The following MEG3 variants were observed in gnomAD, a reference collection of about 807,000 sequenced individuals.
The protein encoded by MEG3 is Very putative protein from MEG3 locus.
At chr14:100,843,943 G>A (rs1193770008) in intron 2 of MEG3, among the ~76,000 whole-genome samples, 2 of 149,412 alleles carry the variant, frequency 1.3e-5, no homozygotes, top group African/African-American at 2.5e-5. Context: ...ACGTTCAAGC[G>A]ATTCTCCTGT....
chr14:100,839,659 C>A (rs1233923853), intron 2 of MEG3, among the ~76,000 whole-genome samples: 1 of 152,152 alleles, frequency 6.6e-6, no homozygotes, highest in African/African-American at 2.4e-5. Flanking sequence ...TGTTTCAGAG[C>A]CAGGAAAGGT....
chr14:100,851,651 G>A (rs1386587000), intron 3 of MEG3: 1 of 152,540 alleles, frequency 6.6e-6, no homozygotes, highest in East Asian at 1.9e-4. Flanking sequence ...GGTTGCAGAA[G>A]TGGTCCGGGG....
exon 2 of MEG3, chr14:100,860,825 C>T (rs1391768447): frequency 7.6e-6 from 3 of 395,110 alleles, no homozygotes; most frequent in South Asian, 1.8e-5. Context: ...GGGTCAGACC[C>T]GTGGGCTGGA....
At chr14:100,847,874 C>G (rs145352201) in intron 3 of MEG3, 1 of 152,068 alleles carries the variant, frequency 6.6e-6, no homozygotes, top group Non-Finnish European at 1.5e-5. Flanking sequence ...CATAAGGGCA[C>G]CTGACTCCAC....
intron 2 of MEG3, among the ~76,000 whole-genome samples, chr14:100,843,564 G>C (rs2037822144): frequency 6.6e-6 from 1 of 152,186 alleles, no homozygotes; most frequent in Non-Finnish European, 1.5e-5. Flanking sequence ...ACCAGTTATG[G>C]CAGAACAGGG....
intron 2 of MEG3, among the ~76,000 whole-genome samples, chr14:100,842,704 T>C (rs2037797822): frequency 6.6e-6 from 1 of 152,240 alleles, no homozygotes; most frequent in South Asian, 2.1e-4. Context: ...AAGTTGTTTA[T>C]ACCAAAGACA....
intron 2 of MEG3, among the ~76,000 whole-genome samples, chr14:100,843,795 T>G (rs1173125279): frequency 7.1e-6 from 1 of 141,202 alleles, no homozygotes; most frequent in African/African-American, 2.6e-5. Context: ...AGACCTGCAG[T>G]GGGGCAGGCA....
intron 2 of MEG3, among the ~76,000 whole-genome samples, chr14:100,839,285 T>C (rs1399352679): frequency 6.6e-6 from 1 of 152,120 alleles, no homozygotes; most frequent in Admixed American, 6.5e-5. Context: ...GAGTGGCTTC[T>C]TTTTAGGAGA....
At chr14:100,859,730 G>A (rs936828383) in exon 1 of MEG3, 1 of 152,198 alleles carries the variant, frequency 6.6e-6, no homozygotes, top group Non-Finnish European at 1.5e-5. Flanking sequence ...CCAAAGAATG[G>A]TACATGGGTA....
At chr14:100,826,852 AT>A (rs2037246763) in intron 1 of MEG3, among the ~76,000 whole-genome samples, 1 of 152,126 alleles carries the variant, frequency 6.6e-6, no homozygotes, top group Admixed American at 6.5e-5. Context: ...TTCTGCCCTG[AT>A]CAGCCACTTT....
Position 100,847,001 on chromosome 14 carries a change from A to T in MEG3, n.3121+1468A>T, listed in dbSNP as rs1261491529. 4 of 151,544 alleles carry T rather than the reference A, an allele frequency of 2.6e-5. No homozygotes were observed. The East Asian group carries it at 5.8e-4, about 22-fold the overall frequency. 9.4% of individuals were successfully genotyped at this position (151,544 alleles called of 1,614,324 possible). ...AAGGGAGAAGGGAAAGGTTTTTTTT[A>T]AAAAACCAAAACAACAAAGAAAGGT... On this transcript the variant is annotated intron_variant and non_coding_transcript_variant, in intron 3 of 3. Coordinates refer to the MEG3 transcript ENST00000398461.
intron 2 of MEG3, among the ~76,000 whole-genome samples, chr14:100,840,347 C>T (rs2139968597): frequency 6.6e-6 from 1 of 152,220 alleles, no homozygotes; most frequent in Middle Eastern, 3.4e-3. Flanking sequence ...TGGGAGCTCC[C>T]AGGGCTGTTT....
intron 1 of MEG3, chr14:100,860,471 C>T (rs1226519383): frequency 8.2e-6 from 3 of 363,972 alleles, no homozygotes; most frequent in Non-Finnish European, 1.6e-5. Context: ...TGGGCCGAGT[C>T]TAAGGTAGGG....
chr14:100,852,414 T>C (rs752899126), upstream of MEG3: 1 of 534,520 alleles, frequency 1.9e-6, no homozygotes, highest in Non-Finnish European at 3.8e-6. Context: ...GAGCCTCCAG[T>C]ACCACGTGTC....
At position 100,838,305 on chromosome 14, in the gene MEG3, T is replaced by C. The variant is rs377722333; in HGVS notation, n.3045+2005T>C. Among the ~76,000 whole-genome samples the C allele has an allele frequency of 1.3e-3, 201 of 152,278 alleles. 2 individuals are homozygous for C. The highest frequency in any genetic ancestry group is 5.6e-3 in the South Asian group (27 of 4,816). On this transcript the variant is annotated intron_variant and non_coding_transcript_variant, in intron 2 of 3. Transcript: ENST00000398461. ...TCTCAGGGGTTGAAATGGAACCCTC[T>C]TTGCACTGAGTTGTATTTCAGGTAC... is the stretch of plus-strand genomic sequence containing the variant.
Position 100,845,704 on chromosome 14 carries a change from G to T in MEG3, n.3121+171G>T. 1 of 258,528 alleles carries T rather than the reference G, an allele frequency of 3.9e-6. No homozygotes were observed. The highest frequency in any genetic ancestry group is 3.3e-5 in the South Asian group (1 of 30,440). The allele number at this position is 258,528 out of a possible 1,614,324, so 16.0% of individuals were successfully genotyped here. A position where few individuals can be genotyped will look rare whatever the true frequency, so the allele number is the denominator to read the frequency against. On this transcript the variant is annotated intron_variant and non_coding_transcript_variant, in intron 3 of 3. Transcript: ENST00000398461. The surrounding 1 kb of genome is among the most constrained non-coding windows in gnomAD (Gnocchi z 5.2). ...CGAGTCAAGCCAAGTGCAGACCTGG[G>T]GGCTCCTGTTTTCTAAGACAGGAGC...
Position 100,849,331 on chromosome 14 carries a change from A to G in MEG3, n.3121+3798A>G, listed in dbSNP as rs4906023. ...CACGGACCAGTGTGCAGAAGGCTCC[A>G]GGAACCGCAGATTATGGTTAATCCA... On this transcript the variant is annotated intron_variant and non_coding_transcript_variant, in intron 3 of 3. Transcript: ENST00000398461. 78,908 of 152,032 alleles carry G rather than the reference A, an allele frequency of 0.52. 21,592 individuals are homozygous for G. Among genetic ancestry groups the G allele is most frequent in the Admixed American group, 0.65 (9,944 of 15,288 alleles). 9.4% of individuals were successfully genotyped at this position (152,032 alleles called of 1,614,324 possible). A position where few individuals can be genotyped will look rare whatever the true frequency, so the allele number is the denominator to read the frequency against.
chr14:100,853,425 C>T (rs2038146819), upstream of MEG3: 1 of 152,074 alleles, frequency 6.6e-6, no homozygotes, highest in East Asian at 1.9e-4. Flanking sequence ...GGCACTTGAC[C>T]TAGAGCAGTG....
intron 1 of MEG3, among the ~76,000 whole-genome samples, chr14:100,827,739 C>T (rs1181899985): frequency 6.6e-6 from 1 of 152,064 alleles, no homozygotes; most frequent in East Asian, 1.9e-4. Flanking sequence ...CGTGGTGGCC[C>T]CCTTTGCGTT....
Sources: gnomAD v4.1 joint callset for allele counts (sites outside exome capture counted in the v4.1 genomes callset) on GRCh38, gnomAD v4.1.1 for gene constraint, Gnocchi (gnomAD v3.1) non-coding constraint, MANE v1.5 for transcripts, NCBI Gene and HGNC (gene_info 2026-07-23, HGNC 2026-07-21) for gene names.